The following MTPAP variants were observed in gnomAD, a reference collection of about 807,000 sequenced individuals.
MTPAP encodes the protein poly(A) RNA polymerase, mitochondrial.
A neutral mutation model predicts 48.7 loss-of-function variants in MTPAP; 23 were observed. The ratio of observed to expected loss-of-function variants is 0.47; its 90% CI spans 0.34 to 0.67. The LOEUF (loss-of-function observed/expected upper bound fraction) is 0.67. Among genes scored for constraint, MTPAP ranks in the 30% least tolerant of loss-of-function variants. The pLI is 0.01. For missense variants in MTPAP, 614 were observed against 694.3 expected, an observed-to-expected ratio of 0.88 and a Z score of 1.30; for synonymous variants, 257 against 254.1, an observed-to-expected ratio of 1.01 and a Z score of -0.11.
rs1564517255 is a variant in MTPAP at position 30,313,589 on chromosome 10, T to C, written c.*20A>G. The C allele has an allele frequency of 6.2e-7, 1 of 1,614,112 alleles. No individual in the cohort carries two copies. The highest frequency in any genetic ancestry group is 8.5e-7 in the Non-Finnish European group (1 of 1,180,002). On this transcript the variant is annotated 3_prime_UTR_variant, in exon 9 of 9. Transcript: ENST00000263063. The stretch of plus-strand genomic sequence containing the variant: ...CCATTTGATAGGCTAAGCCCAGTTC[T>C]TTACACAATGTAGCAGCCATCATGT...
At chr10:30,339,461 C>A (rs1263171236) in intron 3 of MTPAP, among the ~76,000 whole-genome samples, 16 of 111,984 alleles carry the variant, frequency 1.4e-4, no homozygotes. Context: ...CCAGCCTGGG[C>A]AAGAGCGAGA....
chr10:30,336,392 G>T (rs1748310656), intron 4 of MTPAP, among the ~76,000 whole-genome samples: 2 of 151,958 alleles, frequency 1.3e-5, no homozygotes. Context: ...ATAGCCTTTG[G>T]ATAAAACAAA....
chr10:30,332,735 A>G (rs1434501377), intron 4 of MTPAP, among the ~76,000 whole-genome samples: 1 of 152,198 alleles, frequency 6.6e-6, no homozygotes, highest in African/African-American at 2.4e-5. Flanking sequence ...CTATAATCTC[A>G]GCACTTTGGG....
intron 4 of MTPAP, among the ~76,000 whole-genome samples, chr10:30,333,802 T>G (rs985639670): frequency 6.6e-6 from 1 of 151,968 alleles, no homozygotes; most frequent in African/African-American, 2.4e-5. Context: ...ATCACACGGG[T>G]GAGGCAGGAG....
chr10:30,313,940 G>C lies in MTPAP; in HGVS notation c.1418C>G (p.Pro473Arg). The change falls in exon 9 of 9, where the codon CCT becomes CGT. Residue 473 changes from proline (P) to arginine (R), a missense_variant. Pro to Arg is a moderately radical substitution (Grantham distance 103). Around this residue, in one of 5 missense-constraint regions of MTPAP, gnomAD observed 261 missense variants for 355.4 expected, o/e 0.73. Transcript: ENST00000263063. ...GREQNKPDSS[P>R]LYIQNPFETS... The stretch of plus-strand genomic sequence containing the variant: ...TTCAAATGGATTCTGAATGTACAGA[G>C]GAGAAGAATCAGGTTTGTTTTGCTC... 1 of 1,613,910 alleles carries C rather than the reference G, an allele frequency of 6.2e-7. No homozygotes were observed. Among genetic ancestry groups the C allele is most frequent in the Non-Finnish European group, 8.5e-7 (1 of 1,179,820 alleles).
rs184859228 is a variant in MTPAP at position 30,320,835 on chromosome 10, T to C, written c.1219+1556A>G. Among the ~76,000 whole-genome samples the C allele has an allele frequency of 2.0e-5, 3 of 152,322 alleles. No homozygotes were observed. In the East Asian group the frequency reaches 5.8e-4, roughly 29 times the overall value. On this transcript the variant is annotated intron_variant, in intron 6 of 8. Coordinates refer to ENST00000263063, the MANE Select transcript of MTPAP (RefSeq NM_018109.4). ...GTTCAACTTTCTTCTGCTCCTCCTT[T>C]TACAGCTTCTACTGTTTCTTAGTTT...
intron 1 of MTPAP, among the ~76,000 whole-genome samples, chr10:30,342,062 C>T (rs1273877092): frequency 1.3e-5 from 2 of 152,046 alleles, no homozygotes; most frequent in African/African-American, 4.8e-5. Context: ...ATGGTGAAAC[C>T]TCATCTGTAC....
At chr10:30,339,972 C>G (rs988640178) in intron 3 of MTPAP, 7 of 510,090 alleles carry the variant, frequency 1.4e-5, no homozygotes, top group African/African-American at 9.6e-5. Flanking sequence ...AATACCATCT[C>G]AAATGTCAAA....
chr10:30,342,554 A>AAAACCAGGAAACTAAAATC (rs1347567289), intron 1 of MTPAP, among the ~76,000 whole-genome samples: 3 of 152,098 alleles, frequency 2.0e-5, no homozygotes, highest in Non-Finnish European at 4.4e-5. Flanking sequence ...AAAAAAAAAA[A>AAAACCAGGAAACTAAAATC]AAAAAACCAG....
intron 1 of MTPAP, among the ~76,000 whole-genome samples, chr10:30,346,369 A>G (rs1387380156): frequency 2.0e-5 from 3 of 152,216 alleles, no homozygotes; most frequent in Non-Finnish European, 2.9e-5. Flanking sequence ...GAGAGCATCC[A>G]GAGAGGAATA....
intron 4 of MTPAP, among the ~76,000 whole-genome samples, chr10:30,328,637 T>G (rs1834627568): frequency 6.6e-6 from 1 of 152,148 alleles, no homozygotes; most frequent in Non-Finnish European, 1.5e-5. Flanking sequence ...ATCTACCCCC[T>G]TCCTTTCAGC....
At chr10:30,315,040 T>C (rs1022563010) in intron 8 of MTPAP, among the ~76,000 whole-genome samples, 2 of 152,220 alleles carry the variant, frequency 1.3e-5, no homozygotes, top group Admixed American at 1.3e-4. Context: ...ATGGTCAAAA[T>C]TCCCTGATGT....
intron 8 of MTPAP, among the ~76,000 whole-genome samples, chr10:30,315,510 A>C (rs11007980): frequency 0.055 from 8,084 of 147,348 alleles, 388 homozygotes; most frequent in African/African-American, 0.11. Context: ...CTCAAAAAAA[A>C]AAAACAAAAC....
chr10:30,317,788 C>T (rs1840678615), intron 6 of MTPAP, among the ~76,000 whole-genome samples: 1 of 152,212 alleles, frequency 6.6e-6, no homozygotes. Flanking sequence ...CTCCCCACCA[C>T]CGACCTGCCC....
intron 3 of MTPAP, among the ~76,000 whole-genome samples, chr10:30,337,787 G>C (rs1485390380): frequency 1.3e-5 from 2 of 152,124 alleles, no homozygotes; most frequent in Non-Finnish European, 2.9e-5. Flanking sequence ...CAATGTTAAA[G>C]GGCAAGAAAA....
intron 5 of MTPAP, among the ~76,000 whole-genome samples, chr10:30,325,435 C>T (rs1834573806): frequency 6.6e-6 from 1 of 152,164 alleles, no homozygotes; most frequent in African/African-American, 2.4e-5. Context: ...AAGAAATAAA[C>T]TTCTCAATTA....
chr10:30,312,681 A>T lies in MTPAP; in HGVS notation c.*928T>A, dbSNP rs1315709749. On this transcript the variant is annotated 3_prime_UTR_variant, in exon 9 of 9. Transcript: ENST00000263063. ...CCCATGCACGGGCTCCACAGGACTG[A>T]AGGAGTTCAGTGTGTGCAGATCTGG... 1 of 152,036 alleles carries T rather than the reference A, an allele frequency of 6.6e-6. No individual in the cohort carries two copies. The highest frequency in any genetic ancestry group is 2.4e-5 in the African/African-American group (1 of 41,402). The allele number at this position is 152,036 out of a possible 1,614,324, so 9.4% of individuals were successfully genotyped here.
At chr10:30,340,083 T>A in intron 3 of MTPAP, 143 bp downstream of exon 3, 1 of 747,146 alleles carries the variant, frequency 1.3e-6, no homozygotes, top group South Asian at 1.7e-5. Flanking sequence ...CCACCACGAT[T>A]CATCTCCGTA....
At chr10:30,343,174 C>T (rs1415148568) in intron 1 of MTPAP, among the ~76,000 whole-genome samples, 3 of 152,064 alleles carry the variant, frequency 2.0e-5, no homozygotes, top group Non-Finnish European at 2.9e-5. Flanking sequence ...CAAGGCCAGA[C>T]GCGGTGGCTC....
Sources: gnomAD v4.1 joint callset for allele counts (sites outside exome capture counted in the v4.1 genomes callset) on GRCh38, gnomAD v4.1.1 for gene constraint, gnomAD v4.1.1 regional missense constraint, MANE v1.5 for transcripts, NCBI Gene and HGNC (gene_info 2026-07-23, HGNC 2026-07-21) for gene names.